The following TRRAP variants were observed in gnomAD, a reference collection of about 807,000 sequenced individuals.
TRRAP encodes the protein transformation/transcription domain associated protein.
TRRAP carries 41 observed loss-of-function variants against 438.8 expected under a neutral mutation model. The ratio of observed to expected loss-of-function variants is 0.09; its 90% CI spans 0.07 to 0.12. The LOEUF (loss-of-function observed/expected upper bound fraction) is 0.12, where lower values mean the gene tolerates loss of function less well. TRRAP is among the 10% of genes least tolerant of loss of function. TRRAP has a pLI of 1.00. For missense variants in TRRAP, 3,122 were observed against 5,055.1 expected (o/e 0.62, Z 11.60); for synonymous variants, 1,994 against 1,962.9 (o/e 1.02, Z -0.42).
At position 99,005,366 on chromosome 7, in the gene TRRAP, AG is replaced by A; in HGVS notation, c.10753+19del. 1 of 1,612,874 alleles carries A rather than the reference AG, an allele frequency of 6.2e-7. No homozygotes were observed. The highest frequency in any genetic ancestry group is 8.5e-7 in the Non-Finnish European group (1 of 1,179,218). ...TTTCACAGGTAGGGTTGAGAGCCAC[AG>A]CTCGCTGGGTACACAGGCAGCTTCA... On this transcript the variant is annotated intron_variant, in intron 69 of 72. Transcript: ENST00000456197. The surrounding 1 kb of genome is among the most constrained non-coding windows in gnomAD (Gnocchi z 5.1).
intron 53 of TRRAP, among the ~76,000 whole-genome samples, chr7:98,972,439 G>A (rs1026289512): frequency 2.6e-5 from 4 of 152,220 alleles, no homozygotes; most frequent in Non-Finnish European, 4.4e-5. Context: ...AAATGTGTGA[G>A]GAGACATAAT....
intron 19 of TRRAP, among the ~76,000 whole-genome samples, chr7:98,916,339 C>T (rs781924762): frequency 2.6e-5 from 4 of 152,168 alleles, no homozygotes; most frequent in Non-Finnish European, 5.9e-5. Context: ...ATTTACATAG[C>T]CAGAATCCTG....
intron 52 of TRRAP, among the ~76,000 whole-genome samples, chr7:98,971,379 A>G (rs1043078617): frequency 6.6e-6 from 1 of 152,224 alleles, no homozygotes; most frequent in African/African-American, 2.4e-5. Context: ...GGGAATGGTC[A>G]TATAAAACAT....
intron 3 of TRRAP, among the ~76,000 whole-genome samples, chr7:98,883,284 T>A (rs540779017): frequency 3.1e-4 from 47 of 152,348 alleles, no homozygotes; most frequent in African/African-American, 1.1e-3. Flanking sequence ...TGTATTTTTT[T>A]AAATTTTAGT....
chr7:99,002,491 A>G (rs1277280019), intron 67 of TRRAP, among the ~76,000 whole-genome samples: 1 of 152,190 alleles, frequency 6.6e-6, no homozygotes, highest in African/African-American at 2.4e-5. Context: ...TTAAAAAGAG[A>G]TCAGGCATGA....
At chr7:98,906,559 A>C (rs1289382027) in intron 13 of TRRAP, among the ~76,000 whole-genome samples, 1 of 151,986 alleles carries the variant, frequency 6.6e-6, no homozygotes, top group Non-Finnish European at 1.5e-5. Context: ...CAGCTGCCCG[A>C]GTAGCTGGGA....
intron 28 of TRRAP, among the ~76,000 whole-genome samples, chr7:98,936,250 CAT>C (rs1790551355): frequency 6.6e-6 from 1 of 152,170 alleles, no homozygotes. Context: ...CTCTTAATAA[CAT>C]ATTTCCAGAA....
At position 98,949,696 on chromosome 7, in the gene TRRAP, C is replaced by T. The variant is rs781937949; in HGVS notation, c.4990C>T (p.Leu1664=). 5 of 1,614,032 alleles carry T rather than the reference C, an allele frequency of 3.1e-6. No homozygotes were observed. Among genetic ancestry groups the T allele is most frequent in the Admixed American group, 3.3e-5 (2 of 60,000 alleles). ...TATAGTGAAAAACGATGACTCCTGG[C>T]TGGCCAGCCAGCACTCTCTGGTGAG... is the stretch of plus-strand genomic sequence containing the variant. The part of the protein sequence containing the change: ...SIIVKNDDSW[L]ASQHSLVSQL... Residue 1664 remains leucine (L), a synonymous_variant, in exon 37 of 73, where the codon CTG becomes TTG. Transcript: ENST00000456197.
rs751862926 is a variant in TRRAP, at chr7:98,988,859, A to G, written c.9484A>G (p.Ile3162Val). ...CATGTGGGGCGACTACCTGGAGAAC[A>G]TCTTTGTGAAGGAGCGGCAGCTGCA... ...WAMWGDYLENIFVKERQLHLG... is the reference protein window; with the variant it reads ...WAMWGDYLENVFVKERQLHLG... Residue 3162 changes from isoleucine (I) to valine (V), a missense_variant, in exon 63 of 73, where the codon ATC (isoleucine) becomes GTC (valine). By Grantham distance (29) the Ile-to-Val change is conservative (BLOSUM62 3). Around this residue, in one of 24 missense-constraint regions of TRRAP, gnomAD observed 23 missense variants for 18.2 expected, o/e 1.27. Coordinates refer to ENST00000456197, the MANE Select transcript of TRRAP (RefSeq NM_001375524.1). The G allele has an allele frequency of 3.7e-6, 6 of 1,614,216 alleles. No homozygotes were observed. The South Asian group carries it at 4.4e-5, about 12-fold the overall frequency.
intron 67 of TRRAP, among the ~76,000 whole-genome samples, chr7:98,995,792 A>G (rs1414202740): frequency 6.9e-6 from 1 of 144,856 alleles, no homozygotes; most frequent in Non-Finnish European, 1.5e-5. Context: ...CATCACTCCC[A>G]TGTCCCATCT....
chr7:99,001,792 G>A (rs1482883649), intron 67 of TRRAP, among the ~76,000 whole-genome samples: 1 of 152,186 alleles, frequency 6.6e-6, no homozygotes, highest in African/African-American at 2.4e-5. Flanking sequence ...CTCAGAAATG[G>A]CGCACTCCAT....
At position 99,011,510 on chromosome 7, in the gene TRRAP, G is replaced by A. The variant is rs987263983; in HGVS notation, c.11312G>A (p.Arg3771Gln). The change falls in exon 72 of 73, where the codon CGG becomes CAG. Residue 3771 changes from arginine to glutamine, a missense_variant. Physicochemically the swap from Arg to Gln is conservative, Grantham distance 43 (BLOSUM62 1). Coordinates refer to ENST00000456197, the MANE Select transcript of TRRAP (RefSeq NM_001375524.1). This position sits in a 1 kb window ranked among gnomAD's most constrained non-coding sequence, Gnocchi z 7.1. Reference sequence around the variant, plus strand: ...ACAGCGTCCATGATTGCGGTCGCCCGGTGCTTCGCCCAGCCAAACTTTAAG... The same window carrying A: ...ACAGCGTCCATGATTGCGGTCGCCCAGTGCTTCGCCCAGCCAAACTTTAAG... Reference protein sequence around the residue: ...PLTASMIAVARCFAQPNFKVD... With the variant: ...PLTASMIAVAQCFAQPNFKVD... The A allele has an allele frequency of 5.6e-6, 9 of 1,613,820 alleles. No individual in the cohort carries two copies. The highest frequency in any genetic ancestry group is 1.7e-5 in the Admixed American group (1 of 59,970).
intron 25 of TRRAP, 73 bp from the exon 26 acceptor site, chr7:98,931,332 A>C (rs1790313890): frequency 6.4e-7 from 1 of 1,565,406 alleles, no homozygotes; most frequent in Non-Finnish European, 8.6e-7. Flanking sequence ...TATGGCAGAC[A>C]GGTGTGCAGG....
chr7:98,969,449 T>C (rs1029090803), intron 51 of TRRAP, among the ~76,000 whole-genome samples: 5 of 152,236 alleles, frequency 3.3e-5, no homozygotes, highest in African/African-American at 9.6e-5. Flanking sequence ...AGCACATGCC[T>C]GGCTGTGTCC....
chr7:98,932,542 C>T (rs1171974980), intron 26 of TRRAP, among the ~76,000 whole-genome samples: 2 of 152,004 alleles, frequency 1.3e-5, no homozygotes, highest in African/African-American at 2.4e-5. Context: ...TGGGCTCTCA[C>T]TATGTTGCCC....
In TRRAP at chr7:98,978,912, G is replaced by A. The variant is rs1488850765; in HGVS notation, c.8634+8G>A. Reference sequence around the variant, plus strand: ...AAGGAGGCGCTGGTGCAGGTGAGACGCCCCGGGGGCATCCCTGCCGCTGCC... The same window carrying A: ...AAGGAGGCGCTGGTGCAGGTGAGACACCCCGGGGGCATCCCTGCCGCTGCC... On this transcript the variant is annotated splice_region_variant and intron_variant, in intron 58 of 72. Coordinates refer to ENST00000456197, the MANE Select transcript of TRRAP (RefSeq NM_001375524.1). 9 of 1,613,232 alleles carry A rather than the reference G, an allele frequency of 5.6e-6. No individual in the cohort carries two copies. Among genetic ancestry groups the A allele is most frequent in the Admixed American group, 3.3e-5 (2 of 60,002 alleles).
chr7:98,981,597 A>G (rs1033534444), intron 58 of TRRAP, among the ~76,000 whole-genome samples, 172 bp from the exon 59 acceptor site: 1 of 152,218 alleles, frequency 6.6e-6, no homozygotes, highest in Non-Finnish European at 1.5e-5. Context: ...GTATCCAGAA[A>G]AGACTGTGTA....
In TRRAP at chr7:98,967,556, C is replaced by T. The variant is rs1381208493; in HGVS notation, c.7370C>T (p.Ala2457Val). 1.2e-6 allele frequency: 2 copies of T among 1,613,986 alleles called. No homozygotes were observed. The highest frequency in any genetic ancestry group is 2.7e-5 in the African/African-American group (2 of 74,896). The change falls in exon 51 of 73, where the codon GCC becomes GTC. Residue 2457 changes from alanine to valine, a missense_variant. Physicochemically the swap from Ala to Val is moderately conservative, Grantham distance 64. Coordinates refer to ENST00000456197, the MANE Select transcript of TRRAP (RefSeq NM_001375524.1). ...EPAFLSGLRCAQPLIRAKFFE... is the reference protein window; with the variant it reads ...EPAFLSGLRCVQPLIRAKFFE... ...GCCTTTCTCTCTGGGCTGCGCTGTG[C>T]CCAGCCACTCATCAGGGCAAAGTTT...
In TRRAP at chr7:98,908,942, G is replaced by C; in HGVS notation, c.1330G>C (p.Val444Leu). ...SEQESGNGRD[V>L]LMRMLEVFVL... ...GCAGGAGAGTGGCAATGGGAGAGACGTCCTGATGCGGATGCTGGAGGTACC... is the reference window on the plus strand; with the variant it reads ...GCAGGAGAGTGGCAATGGGAGAGACCTCCTGATGCGGATGCTGGAGGTACC... The change falls in exon 14 of 73, where the codon GTC (valine) becomes CTC (leucine). Residue 444 changes from valine to leucine, a missense_variant. Val to Leu is a conservative substitution (Grantham distance 32). Around this residue, in one of 24 missense-constraint regions of TRRAP, gnomAD observed 343 missense variants for 564.0 expected, o/e 0.61. Transcript: ENST00000456197. The surrounding 1 kb of genome is among the most constrained non-coding windows in gnomAD (Gnocchi z 4.1). 1 of 1,613,620 alleles carries C rather than the reference G, an allele frequency of 6.2e-7. No homozygotes were observed. The highest frequency in any genetic ancestry group is 8.5e-7 in the Non-Finnish European group (1 of 1,179,830).
Sources: gnomAD v4.1 joint callset for allele counts (sites outside exome capture counted in the v4.1 genomes callset) on GRCh38, gnomAD v4.1.1 for gene constraint, gnomAD v4.1.1 regional missense constraint, Gnocchi (gnomAD v3.1) non-coding constraint, MANE v1.5 for transcripts, NCBI Gene and HGNC (gene_info 2026-07-23, HGNC 2026-07-21) for gene names.